Variants in PPP1R10 observed in about 807,000 individuals in gnomAD.
PPP1R10 encodes serine/threonine-protein phosphatase 1 regulatory subunit 10.
PPP1R10 carries 15 observed loss-of-function variants against 99.0 expected under a neutral mutation model. That is an observed-to-expected ratio of 0.15 (90% confidence interval 0.10 to 0.23). The LOEUF (loss-of-function observed/expected upper bound fraction) is 0.23. Among genes scored for constraint, PPP1R10 ranks in the 10% least tolerant of loss-of-function variants. PPP1R10 has a pLI of 1.00. For synonymous variants in PPP1R10, 430 were observed against 449.5 expected (o/e 0.96, Z 0.55); for missense variants, 947 against 1,259.4 (o/e 0.75, Z 3.75).
chr6:30,605,787 G>A (rs1803872051), intron 10 of PPP1R10, 136 bp downstream of exon 10: 4 of 818,776 alleles, frequency 4.9e-6, no homozygotes, highest in Non-Finnish European at 7.8e-6. Flanking sequence ...GTGAACCCGG[G>A]AGGCGGAGCT....
In PPP1R10 at chr6:30,609,010, C is replaced by A; in HGVS notation, c.194+67G>T. 2 of 1,610,902 alleles carry A rather than the reference C, an allele frequency of 1.2e-6. No homozygotes were observed. Among genetic ancestry groups the A allele is most frequent in the Non-Finnish European group, 1.7e-6 (2 of 1,177,272 alleles). ...CAGTCTCCCATCAATGACCGAGGAA[C>A]CCCATGCCTCACCGCCCCATCTTTT... On this transcript the variant is annotated intron_variant, in intron 4 of 19. Coordinates refer to ENST00000376511, the MANE Select transcript of PPP1R10 (RefSeq NM_002714.4). This position sits in a 1 kb window ranked among gnomAD's most constrained non-coding sequence, Gnocchi z 4.5.
At chr6:30,610,558 C>T (rs2267637) in intron 2 of PPP1R10, among the ~76,000 whole-genome samples, 27,553 of 152,092 alleles carry the variant, frequency 0.18, 3,168 homozygotes, top group South Asian at 0.37. Flanking sequence ...AGAATCCCTC[C>T]CTAAGGAGAT....
intron 10 of PPP1R10, 27 bp from the exon 11 acceptor site, chr6:30,605,121 C>T: frequency 6.3e-7 from 1 of 1,590,846 alleles, no homozygotes; most frequent in East Asian, 2.2e-5. Flanking sequence ...CACCAAATGG[C>T]ATCATCAGAC....
Position 30,616,682 on chromosome 6 carries a change from G to A in PPP1R10, c.-216C>T, listed in dbSNP as rs1760597794. The stretch of plus-strand genomic sequence containing the variant: ...ACTCCATTTAGGGAGGGGGGTCGCA[G>A]AAAAAAGTTCTGAGTGGATTCAAAA... On this transcript the variant is annotated 5_prime_UTR_variant, in exon 2 of 20. Transcript: ENST00000376511. 6.6e-6 allele frequency: 1 copy of A among 152,124 alleles called. No homozygotes were observed. The highest frequency in any genetic ancestry group is 1.5e-5 in the Non-Finnish European group (1 of 68,016). 9.4% of individuals were successfully genotyped at this position (152,124 alleles called of 1,614,324 possible).
Position 30,602,083 on chromosome 6 carries a change from GC to G in PPP1R10, c.2565del (p.His857MetfsTer60). 2.5e-6 allele frequency: 4 copies of G among 1,579,314 alleles called. No homozygotes were observed. Among genetic ancestry groups the G allele is most frequent in the Non-Finnish European group, 3.4e-6 (4 of 1,159,900 alleles). ...ACATCATGAGGCCGGTGGCCATGGG[GC>G]CCCCCGTGTCCAGGGCCTTCATGGG... ...HRPHEGPGHGGPHGHRPHDVP... is the reference protein window; with the variant it reads ...HRPHEGPGHGXPHGHRPHDVP... On this transcript the variant is annotated frameshift_variant, in exon 19 of 20. Transcript: ENST00000376511. LOFTEE classifies it high-confidence loss of function. The surrounding 1 kb of genome is among the most constrained non-coding windows in gnomAD (Gnocchi z 6.7).
At chr6:30,610,260 A>G (rs577322724) in intron 2 of PPP1R10, among the ~76,000 whole-genome samples, 16 of 152,186 alleles carry the variant, frequency 1.1e-4, no homozygotes, top group Non-Finnish European at 1.9e-4. Flanking sequence ...GCTGAACTTC[A>G]CTAGATCGTA....
In PPP1R10 at chr6:30,604,906, C is replaced by T. The variant is rs1803769510; in HGVS notation, c.954+88G>A. On this transcript the variant is annotated intron_variant, in intron 11 of 19. Transcript: ENST00000376511. This position sits in a 1 kb window ranked among gnomAD's most constrained non-coding sequence, Gnocchi z 7.3. ...TCCAAGGCAAAACGCCTCTTGTTGT[C>T]CTCCCCGACAACTCCTAGCTGCTGT... 1 of 1,523,162 alleles carries T rather than the reference C, an allele frequency of 6.6e-7. No individual in the cohort carries two copies. Among genetic ancestry groups the T allele is most frequent in the Non-Finnish European group, 9.1e-7 (1 of 1,099,730 alleles). 94.4% of individuals were successfully genotyped at this position (1,523,162 alleles called of 1,614,324 possible).
chr6:30,612,369 G>C (rs1340534982), intron 2 of PPP1R10, among the ~76,000 whole-genome samples: 1 of 152,120 alleles, frequency 6.6e-6, no homozygotes, highest in African/African-American at 2.4e-5. Context: ...TTCCTTAAGA[G>C]GATGGGAGAC....
In PPP1R10 at chr6:30,609,948, G is replaced by A. The variant is rs748010882; in HGVS notation, c.-4C>T. The A allele has an allele frequency of 2.5e-6, 4 of 1,610,810 alleles. No homozygotes were observed. The highest frequency in any genetic ancestry group is 3.4e-6 in the Non-Finnish European group (4 of 1,177,036). On this transcript the variant is annotated 5_prime_UTR_variant, in exon 3 of 20. Coordinates refer to ENST00000376511, the MANE Select transcript of PPP1R10 (RefSeq NM_002714.4). This position sits in a 1 kb window ranked among gnomAD's most constrained non-coding sequence, Gnocchi z 4.5. ...GGTCTATGGGACCCGAACCCATGAT[G>A]GTGGTTTCTATGGTAAGAGGACAAA...
rs375551379 is a variant in PPP1R10, at chr6:30,603,643, C to T, written c.1596G>A (p.Pro532=). 1.2e-5 allele frequency: 19 copies of T among 1,608,410 alleles called. No individual in the cohort carries two copies. In the Middle Eastern group the frequency reaches 6.6e-4, roughly 56 times the overall value. ...LDEECSMDET[P]YVETLEPGGS... is the part of the protein sequence containing the mutation. ...CCCCAGGTTCCAGAGTCTCAACATA[C>T]GGAGTCTCATCCATGGAACACTCCT... The change falls in exon 16 of 20, where the codon CCG becomes CCA. Residue 532 remains proline, a synonymous_variant. Transcript: ENST00000376511.
At chr6:30,610,268 G>C (rs546188523) in intron 2 of PPP1R10, among the ~76,000 whole-genome samples, 5 of 152,090 alleles carry the variant, frequency 3.3e-5, no homozygotes, top group African/African-American at 1.2e-4. Flanking sequence ...TCACTAGATC[G>C]TATTAAAGCT....
Position 30,602,356 on chromosome 6 carries a change from T to A in PPP1R10, c.2293A>T (p.Ser765Cys). 1 of 1,612,404 alleles carries A rather than the reference T, an allele frequency of 6.2e-7. No homozygotes were observed. The highest frequency in any genetic ancestry group is 8.5e-7 in the Non-Finnish European group (1 of 1,179,782). ...GGGCCTTCGTGGGGACGATGTCCAC[T>A]GCTGTTGCCCATGCCCCCACCAGGG... ...EGPGGGMGNS[S>C]GHRPHEGPGG... The change falls in exon 19 of 20, where the codon AGT becomes TGT. Residue 765 changes from serine (S) to cysteine (C), a missense_variant. Transcript: ENST00000376511. This position sits in a 1 kb window ranked among gnomAD's most constrained non-coding sequence, Gnocchi z 6.7.
At position 30,601,518 on chromosome 6, in the gene PPP1R10, G is replaced by A; in HGVS notation, c.*31C>T. On this transcript the variant is annotated 3_prime_UTR_variant, in exon 20 of 20. Transcript: ENST00000376511. ...GAAAGAGCGAGGCTGCAGTCCACAG[G>A]GGTTGTGTGAACAGGGCAGGCAAAT... is the stretch of plus-strand genomic sequence containing the variant. 1 of 1,571,648 alleles carries A rather than the reference G, an allele frequency of 6.4e-7. No individual in the cohort carries two copies. The highest frequency in any genetic ancestry group is 8.8e-7 in the Non-Finnish European group (1 of 1,141,746).
In PPP1R10 at chr6:30,602,570, C is replaced by G; in HGVS notation, c.2079G>C (p.Arg693=). 1 of 1,564,218 alleles carries G rather than the reference C, an allele frequency of 6.4e-7. No homozygotes were observed. The highest frequency in any genetic ancestry group is 1.7e-4 in the Middle Eastern group (1 of 5,814). The change falls in exon 19 of 20, where the codon CGG becomes CGC. Residue 693 remains arginine (R), a synonymous_variant. Coordinates refer to ENST00000376511, the MANE Select transcript of PPP1R10 (RefSeq NM_002714.4). This position sits in a 1 kb window ranked among gnomAD's most constrained non-coding sequence, Gnocchi z 6.7. ...PGDPMRGGPM[R]GGPGPGPGPY... Reference sequence around the variant, plus strand: ...GTCCAGGACCTGGTCCTGGACCCCCCCGCATTGGGCCACCCCGCATAGGGT... The same window carrying G: ...GTCCAGGACCTGGTCCTGGACCCCCGCGCATTGGGCCACCCCGCATAGGGT...
chr6:30,603,364 G>T (rs748769234), intron 16 of PPP1R10, 79 bp from the exon 17 acceptor site: 558 of 1,575,504 alleles, frequency 3.5e-4, no homozygotes, highest in Admixed American at 1.3e-3. Context: ...AAGATTAGGG[G>T]TAAGTGGGTA....
intron 2 of PPP1R10, among the ~76,000 whole-genome samples, chr6:30,615,803 G>A (rs957319894): frequency 1.3e-5 from 2 of 151,992 alleles, no homozygotes; most frequent in African/African-American, 2.4e-5. Context: ...CTATTATCTT[G>A]TATGTACTGG....
rs1158594692 is a variant in PPP1R10, at chr6:30,602,300, G to A, written c.2349C>T (p.Pro783=). Residue 783 remains proline, a synonymous_variant, in exon 19 of 20, where the codon CCC becomes CCT. Transcript: ENST00000376511. The surrounding 1 kb of genome is among the most constrained non-coding windows in gnomAD (Gnocchi z 6.7). ...CCATGCTACCACCAGGGCCTTCATG[G>A]GGGCGATGCCCACTTCCCATGCCAC... ...PGGGMGSGHR[P]HEGPGGSMGG... 1 of 1,610,572 alleles carries A rather than the reference G, an allele frequency of 6.2e-7. No individual in the cohort carries two copies. The highest frequency in any genetic ancestry group is 8.5e-7 in the Non-Finnish European group (1 of 1,179,200).
Position 30,601,195 on chromosome 6 carries a change from T to G in PPP1R10, c.*354A>C. 3.6e-6 allele frequency: 1 copy of G among 274,636 alleles called. No individual in the cohort carries two copies. The highest frequency in any genetic ancestry group is 6.9e-6 in the Non-Finnish European group (1 of 144,444). 17.0% of individuals were successfully genotyped at this position (274,636 alleles called of 1,614,324 possible). ...CATGTGGGGACCCGCAATAGAAGGG[T>G]AGGGGTGTTCGCCAGGATAACCAGC... On this transcript the variant is annotated 3_prime_UTR_variant, in exon 20 of 20. Transcript: ENST00000376511.
rs191146629 is a variant in PPP1R10 at position 30,602,745 on chromosome 6, C to T, written c.1958-54G>A. On this transcript the variant is annotated intron_variant, in intron 18 of 19. Coordinates refer to ENST00000376511, the MANE Select transcript of PPP1R10 (RefSeq NM_002714.4). The surrounding 1 kb of genome is among the most constrained non-coding windows in gnomAD (Gnocchi z 6.7). Reference sequence around the variant, plus strand: ...ATCAGCTACCAGGAACTGCCATCTCCCAACCTAAACCACCACCTCCCACCT... The same window carrying T: ...ATCAGCTACCAGGAACTGCCATCTCTCAACCTAAACCACCACCTCCCACCT... 11 of 1,575,824 alleles carry T rather than the reference C, an allele frequency of 7.0e-6. No individual in the cohort carries two copies. In the African/African-American group the frequency reaches 1.2e-4, roughly 17 times the overall value.
Sources: allele counts gnomAD v4.1 joint callset (sites outside exome capture counted in the v4.1 genomes callset), GRCh38; gene constraint gnomAD v4.1.1; non-coding constraint Gnocchi (gnomAD v3.1); transcripts MANE v1.5; gene names NCBI Gene and HGNC (gene_info 2026-07-23, HGNC 2026-07-21).